Variants in GTF2F2 observed in about 807,000 individuals in gnomAD.
GTF2F2 encodes general transcription factor IIF subunit 2.
In GTF2F2, 23 loss-of-function variants were observed where a neutral mutation model predicts 42.2. That is an observed-to-expected ratio of 0.55 (90% CI 0.39 to 0.77). The LOEUF (loss-of-function observed/expected upper bound fraction) is 0.77. Ranked by LOEUF, GTF2F2 falls within the 30% of genes least tolerant of loss-of-function variation. The probability of loss-of-function intolerance (pLI) is 0.00; values close to 1 mark genes in which losing one functional copy is unlikely to be tolerated. For missense variants in GTF2F2, 261 were observed against 287.2 expected (o/e 0.91, Z 0.66); for synonymous variants, 105 against 100.8 (o/e 1.04, Z -0.25).
chr13:45,235,719 AG>A (rs966183242), intron 5 of GTF2F2, among the ~76,000 whole-genome samples: 21 of 151,908 alleles, frequency 1.4e-4, no homozygotes, highest in African/African-American at 4.8e-4. Context: ...CCTCCCGAGT[AG>A]CCAGGATTAC....
At chr13:45,153,637 T>C (rs1008003798) in intron 4 of GTF2F2, among the ~76,000 whole-genome samples, 11 of 152,194 alleles carry the variant, frequency 7.2e-5, no homozygotes, top group Non-Finnish European at 1.5e-4. Flanking sequence ...TCTAAAATTC[T>C]GAAATTTGTC....
At chr13:45,272,481 G>A (rs372923845) in intron 7 of GTF2F2, among the ~76,000 whole-genome samples, 9 of 146,966 alleles carry the variant, frequency 6.1e-5, no homozygotes, top group Non-Finnish European at 8.9e-5. Context: ...AGTGGTTCAC[G>A]TGAGTAATCC....
intron 1 of GTF2F2, among the ~76,000 whole-genome samples, chr13:45,122,558 C>T (rs1566105685): frequency 6.6e-6 from 1 of 152,030 alleles, no homozygotes; most frequent in Non-Finnish European, 1.5e-5. Flanking sequence ...CACTTGAAAC[C>T]GGGAGACGGA....
chr13:45,219,668 G>T (rs931957850), intron 5 of GTF2F2: 2 of 152,136 alleles, frequency 1.3e-5, no homozygotes, highest in African/African-American at 2.4e-5. Flanking sequence ...CTTTTCTGAA[G>T]TTTATGTGAA....
At chr13:45,213,080 C>A (rs559881871) in intron 5 of GTF2F2, among the ~76,000 whole-genome samples, 67 of 144,016 alleles carry the variant, frequency 4.7e-4, no homozygotes, top group South Asian at 3.3e-3. Flanking sequence ...TCTTATTCTT[C>A]TTCTTATTAT....
intron 4 of GTF2F2, among the ~76,000 whole-genome samples, chr13:45,153,246 C>G (rs1465200658): frequency 2.0e-5 from 3 of 151,872 alleles, no homozygotes; most frequent in Non-Finnish European, 4.4e-5. Context: ...TCTCGATCTC[C>G]TGACCTCGTG....
At position 45,265,611 on chromosome 13, in the gene GTF2F2, T is replaced by C. The variant is rs142656861; in HGVS notation, c.487-1622T>C. Among the ~76,000 whole-genome samples the C allele has an allele frequency of 5.0e-3, 756 of 152,320 alleles. 8 individuals carry two copies. The highest frequency in any genetic ancestry group is 0.017 in the African/African-American group (718 of 41,550). On this transcript the variant is annotated intron_variant, in intron 6 of 7. Transcript: ENST00000340473. Reference sequence around the variant, plus strand: ...CCTTTGTCTCACTCCCAACTTTATTTAATTGAAAAGTAGATACTCAAGGTT... The same window carrying C: ...CCTTTGTCTCACTCCCAACTTTATTCAATTGAAAAGTAGATACTCAAGGTT...
intron 2 of GTF2F2, among the ~76,000 whole-genome samples, chr13:45,143,638 G>C (rs144522403): frequency 6.6e-6 from 1 of 152,130 alleles, no homozygotes; most frequent in Non-Finnish European, 1.5e-5. Flanking sequence ...GCTGTGTGTC[G>C]CAGGCCAGAA....
intron 4 of GTF2F2, among the ~76,000 whole-genome samples, chr13:45,168,779 G>GCTTC (rs368098791): frequency 0.18 from 22,755 of 125,390 alleles, 2,558 homozygotes; most frequent in East Asian, 0.27. Flanking sequence ...CACCTGGCTG[G>GCTTC]CTTCCTTCCT....
chr13:45,133,377 A>G (rs9534040), intron 1 of GTF2F2, among the ~76,000 whole-genome samples: 36,384 of 152,150 alleles, frequency 0.24, 4,815 homozygotes, highest in African/African-American at 0.34. Context: ...AGGCAGCAAC[A>G]GGCACAGCCC....
intron 4 of GTF2F2, among the ~76,000 whole-genome samples, chr13:45,202,829 T>C (rs1387680017): frequency 6.6e-6 from 1 of 152,116 alleles, no homozygotes; most frequent in East Asian, 1.9e-4. Flanking sequence ...GGCGCACGCC[T>C]GTAATCCCAG....
At chr13:45,192,603 G>T (rs1367876693) in intron 4 of GTF2F2, among the ~76,000 whole-genome samples, 1 of 152,098 alleles carries the variant, frequency 6.6e-6, no homozygotes, top group Non-Finnish European at 1.5e-5. Flanking sequence ...TGATTTAGCT[G>T]TCCTTTGCAG....
At chr13:45,212,696 G>A (rs1411972408) in intron 5 of GTF2F2, among the ~76,000 whole-genome samples, 1 of 151,780 alleles carries the variant, frequency 6.6e-6, no homozygotes, top group Non-Finnish European at 1.5e-5. Context: ...CTCCCAAGTA[G>A]CTGGGACTAC....
rs148454040 is a variant in GTF2F2 at position 45,253,377 on chromosome 13, T to G, written c.486+407T>G. 6.6e-5 allele frequency among the ~76,000 whole-genome samples: 10 copies of G among 152,266 alleles called. No individual in the cohort carries two copies. In the East Asian group the frequency reaches 1.9e-3, roughly 29 times the overall value. ...GAAAGTTTTTAATGTGTTAAAAAAT[T>G]TTAAAGGTCATGGAACAGCAGTAAT... On this transcript the variant is annotated intron_variant, in intron 6 of 7. Coordinates refer to ENST00000340473, the MANE Select transcript of GTF2F2 (RefSeq NM_004128.3).
intron 4 of GTF2F2, among the ~76,000 whole-genome samples, chr13:45,185,074 T>G (rs1167414591): frequency 6.6e-6 from 1 of 152,140 alleles, no homozygotes; most frequent in Non-Finnish European, 1.5e-5. Context: ...CCTCCATCCT[T>G]GGCCTTTGAA....
chr13:45,172,697 T>TGC (rs1871658927), intron 4 of GTF2F2, among the ~76,000 whole-genome samples: 1 of 152,246 alleles, frequency 6.6e-6, no homozygotes, highest in Non-Finnish European at 1.5e-5. Context: ...GCACTGTTTG[T>TGC]TGAAAAGGCT....
intron 4 of GTF2F2, among the ~76,000 whole-genome samples, chr13:45,199,481 G>A (rs968123035): frequency 1.3e-5 from 2 of 151,708 alleles, no homozygotes; most frequent in African/African-American, 4.8e-5. Context: ...TTATAATTTT[G>A]TAAGCAGAAG....
chr13:45,196,396 G>A (rs1872892528), intron 4 of GTF2F2, among the ~76,000 whole-genome samples: 1 of 152,108 alleles, frequency 6.6e-6, no homozygotes, highest in African/African-American at 2.4e-5. Flanking sequence ...ACAATCTCAT[G>A]TTTGTCTTGA....
chr13:45,122,012 TAC>T (rs2138080021), intron 1 of GTF2F2, among the ~76,000 whole-genome samples: 1 of 152,246 alleles, frequency 6.6e-6, no homozygotes, highest in Non-Finnish European at 1.5e-5. Context: ...ATGTTTGTCT[TAC>T]AGGATTTGGA....
Sources: allele counts gnomAD v4.1 joint callset (sites outside exome capture counted in the v4.1 genomes callset), GRCh38; gene constraint gnomAD v4.1.1; transcripts MANE v1.5; gene names NCBI Gene and HGNC (gene_info 2026-07-23, HGNC 2026-07-21).